NEGR1: variants seen among roughly 807,000 people sequenced by gnomAD.
NEGR1 encodes the protein IgLON family member 4.
A neutral mutation model predicts 40.9 loss-of-function variants in NEGR1; 10 were observed. That is an observed-to-expected ratio of 0.24 (90% CI 0.15 to 0.42). The LOEUF is 0.42. NEGR1 is among the 10% of genes least tolerant of loss of function. The pLI, the probability that NEGR1 is intolerant of heterozygous loss-of-function variation, is 1.00. For missense variants in NEGR1, 352 were observed against 438.9 expected, an observed-to-expected ratio of 0.80 and a Z score of 1.77; for synonymous variants, 185 against 166.8, an observed-to-expected ratio of 1.11 and a Z score of -0.84.
intron 4 of NEGR1, among the ~76,000 whole-genome samples, chr1:71,658,313 T>C (rs925641087): frequency 1.3e-5 from 2 of 152,242 alleles, no homozygotes; most frequent in African/African-American, 4.8e-5. Flanking sequence ...ATATTCTAAA[T>C]AAAATGAGCT....
At chr1:71,444,704 C>CA (rs1209922665) in intron 6 of NEGR1, among the ~76,000 whole-genome samples, 1 of 149,340 alleles carries the variant, frequency 6.7e-6, no homozygotes, top group Non-Finnish European at 1.5e-5. Context: ...TTAATGCTTG[C>CA]AAAGCCAAAA....
At chr1:71,698,717 G>GA (rs1214560308) in intron 3 of NEGR1, among the ~76,000 whole-genome samples, 1 of 151,678 alleles carries the variant, frequency 6.6e-6, no homozygotes, top group African/African-American at 2.4e-5. Flanking sequence ...ATAAATCTTG[G>GA]AAAAAATCAT....
At chr1:71,710,182 C>T (rs1423263877) in intron 3 of NEGR1, among the ~76,000 whole-genome samples, 1 of 152,280 alleles carries the variant, frequency 6.6e-6, no homozygotes, top group East Asian at 1.9e-4. Flanking sequence ...ATCAAACCTA[C>T]TGTTATTACA....
At chr1:71,928,061 CACACACACATATGTACAT>C (rs1645796188) in intron 2 of NEGR1, among the ~76,000 whole-genome samples, 1 of 53,726 alleles carries the variant, frequency 1.9e-5, no homozygotes, top group African/African-American at 1.1e-4. Context: ...TATATATATA[CACACACACATATGTACAT>C]ATATGTATAT....
intron 1 of NEGR1, among the ~76,000 whole-genome samples, chr1:72,097,586 G>A (rs561453906): frequency 2.6e-5 from 4 of 152,254 alleles, no homozygotes; most frequent in African/African-American, 7.2e-5. Context: ...GTTCAAAAAC[G>A]TTAACCACTA....
chr1:72,051,710 G>T (rs1173264437), intron 1 of NEGR1, among the ~76,000 whole-genome samples: 1 of 151,330 alleles, frequency 6.6e-6, no homozygotes, highest in Non-Finnish European at 1.5e-5. Context: ...CTTTGGTGAA[G>T]AAAGGAGCTC....
chr1:72,222,064 C>T (rs899793154), intron 1 of NEGR1, among the ~76,000 whole-genome samples: 1 of 152,052 alleles, frequency 6.6e-6, no homozygotes, highest in Non-Finnish European at 1.5e-5. Context: ...CCTGTGAACC[C>T]AACCTACAGG....
At chr1:71,492,935 T>A (rs903892516) in intron 6 of NEGR1, among the ~76,000 whole-genome samples, 2 of 152,148 alleles carry the variant, frequency 1.3e-5, no homozygotes, top group African/African-American at 4.8e-5. Context: ...ATTCACCATC[T>A]TTCCTCCCAA....
In NEGR1 at chr1:71,645,535, C is replaced by A. The variant is rs149528337; in HGVS notation, c.668-34389G>T. ...CTCATTCCCACAGCAGAAAAAAAAT[C>A]TTCTCTCAATAATTATTTTTATAAT... is the stretch of plus-strand genomic sequence containing the variant. On this transcript the variant is annotated intron_variant, in intron 4 of 6. Coordinates refer to ENST00000357731, the MANE Select transcript of NEGR1 (RefSeq NM_173808.3). Among the ~76,000 whole-genome samples, 87 of 151,298 alleles carry A rather than the reference C, an allele frequency of 5.8e-4. 1 individual carries two copies. In the East Asian group the frequency reaches 0.015, roughly 26 times the overall value.
At chr1:72,044,594 G>C (rs745880479) in intron 1 of NEGR1, among the ~76,000 whole-genome samples, 3 of 151,656 alleles carry the variant, frequency 2.0e-5, no homozygotes. Context: ...ATCATTAAAA[G>C]TATCGCACTG....
chr1:72,147,022 T>C (rs1166720211), intron 1 of NEGR1, among the ~76,000 whole-genome samples: 1 of 152,226 alleles, frequency 6.6e-6, no homozygotes, highest in Non-Finnish European at 1.5e-5. Flanking sequence ...TGGTTGTGTC[T>C]GACTTAGCCC....
At chr1:71,513,430 G>A (rs557550197) in intron 6 of NEGR1, among the ~76,000 whole-genome samples, 1 of 152,176 alleles carries the variant, frequency 6.6e-6, no homozygotes, top group South Asian at 2.1e-4. Context: ...GATAAAATTG[G>A]ATAAGGGACT....
intron 3 of NEGR1, among the ~76,000 whole-genome samples, chr1:71,739,748 A>T (rs1655156807): frequency 6.6e-6 from 1 of 152,148 alleles, no homozygotes; most frequent in African/African-American, 2.4e-5. Flanking sequence ...GCTAAAAATC[A>T]CTGCCTTCAT....
chr1:72,196,082 C>T (rs763367808), intron 1 of NEGR1, among the ~76,000 whole-genome samples: 11 of 151,792 alleles, frequency 7.2e-5, no homozygotes, highest in Non-Finnish European at 1.2e-4. Context: ...ATGAAAGGAG[C>T]GTATTGTGGA....
At chr1:71,670,184 T>A (rs1455022943) in intron 4 of NEGR1, among the ~76,000 whole-genome samples, 1 of 152,164 alleles carries the variant, frequency 6.6e-6, no homozygotes, top group Non-Finnish European at 1.5e-5. Context: ...AGTATTCTTA[T>A]TTGTTTTTAT....
chr1:72,149,033 A>G (rs766494312), intron 1 of NEGR1, among the ~76,000 whole-genome samples: 7 of 152,126 alleles, frequency 4.6e-5, no homozygotes, highest in African/African-American at 1.2e-4. Context: ...AATTTACTCT[A>G]TTAGTTCACT....
chr1:71,782,197 A>G (rs1262583571), intron 2 of NEGR1, among the ~76,000 whole-genome samples: 1 of 152,144 alleles, frequency 6.6e-6, no homozygotes, highest in Non-Finnish European at 1.5e-5. Flanking sequence ...CTTATAAAAT[A>G]GACCCCACGA....
intron 6 of NEGR1, among the ~76,000 whole-genome samples, chr1:71,581,356 CCATTA>C (rs1174814954): frequency 6.6e-6 from 1 of 152,066 alleles, no homozygotes; most frequent in Non-Finnish European, 1.5e-5. Flanking sequence ...ATGTCTGTGG[CCATTA>C]CATTAATGTC....
At chr1:71,450,394 T>C (rs891731164) in intron 6 of NEGR1, among the ~76,000 whole-genome samples, 1 of 152,240 alleles carries the variant, frequency 6.6e-6, no homozygotes, top group Non-Finnish European at 1.5e-5. Flanking sequence ...AACTCTATCA[T>C]TTAAATCGTA....
Sources: gnomAD v4.1 joint callset for allele counts (sites outside exome capture counted in the v4.1 genomes callset) on GRCh38, gnomAD v4.1.1 for gene constraint, MANE v1.5 for transcripts, NCBI Gene and HGNC (gene_info 2026-07-23, HGNC 2026-07-21) for gene names.